Variants in RANBP2 observed in about 807,000 individuals in gnomAD.
RANBP2 encodes the protein E3 SUMO-protein ligase RanBP2.
RANBP2 carries 57 observed loss-of-function variants against 303.6 expected under a neutral mutation model. That is an observed-to-expected ratio of 0.19 (90% CI 0.15 to 0.23). The LOEUF (loss-of-function observed/expected upper bound fraction) is 0.23, where lower values mean the gene tolerates loss of function less well. RANBP2 is among the 10% of genes least tolerant of loss of function. The pLI is 1.00. For synonymous variants in RANBP2, 1,167 were observed against 1,301.5 expected (o/e 0.90, Z 2.23); for missense variants, 3,138 against 3,780.8 (o/e 0.83, Z 4.46).
chr2:109,390,494 A>C, the RANBP2 span, among the ~76,000 whole-genome samples: 1 of 151,384 alleles, frequency 6.6e-6, no homozygotes, highest in Non-Finnish European at 1.5e-5. Flanking sequence ...CTGAAATGAC[A>C]ATGTAGATTG....
the RANBP2 span, among the ~76,000 whole-genome samples, chr2:109,456,812 T>C: frequency 6.6e-6 from 1 of 152,204 alleles, no homozygotes; most frequent in Non-Finnish European, 1.5e-5. Flanking sequence ...GGCTCCATGG[T>C]ACCCACAAGT....
the RANBP2 span, among the ~76,000 whole-genome samples, chr2:109,172,808 A>G: frequency 9.9e-5 from 15 of 152,254 alleles, no homozygotes; most frequent in Non-Finnish European, 1.8e-4. Context: ...TAAGTTTCCC[A>G]GTGCCAGCAC....
chr2:109,342,814 A>G, the RANBP2 span, among the ~76,000 whole-genome samples: 1 of 152,254 alleles, frequency 6.6e-6, no homozygotes. Context: ...GTCCAGAGGA[A>G]GATGTGTGTG....
At chr2:109,108,770 C>T in the RANBP2 span, among the ~76,000 whole-genome samples, 5 of 152,214 alleles carry the variant, frequency 3.3e-5, no homozygotes, top group Non-Finnish European at 7.3e-5. Context: ...CCCACCGGTC[C>T]CCCAAAGCCC....
chr2:109,566,817 TC>T, the RANBP2 span, among the ~76,000 whole-genome samples: 1 of 152,166 alleles, frequency 6.6e-6, no homozygotes, highest in Non-Finnish European at 1.5e-5. Flanking sequence ...AGTAGACTGG[TC>T]TGTCTGAAGT....
At chr2:108,903,736 A>G in the RANBP2 span, among the ~76,000 whole-genome samples, 1 of 152,212 alleles carries the variant, frequency 6.6e-6, no homozygotes, top group African/African-American at 2.4e-5. Flanking sequence ...CATATCTTCT[A>G]TAAAAATCAA....
chr2:109,695,172 A>AT, the RANBP2 span, among the ~76,000 whole-genome samples: 9,909 of 151,372 alleles, frequency 0.065, 632 homozygotes, highest in African/African-American at 0.17. Flanking sequence ...TTTGCAAAGA[A>AT]TTTTTTTTTC....
chr2:109,339,434 C>T, the RANBP2 span, among the ~76,000 whole-genome samples: 35 of 152,236 alleles, frequency 2.3e-4, no homozygotes, highest in African/African-American at 6.3e-4. Context: ...TGGTCTTCTG[C>T]GGTGGCTGGA....
chr2:108,951,718 G>C, the RANBP2 span, among the ~76,000 whole-genome samples: 17 of 151,950 alleles, frequency 1.1e-4, no homozygotes, highest in Non-Finnish European at 2.4e-4. Flanking sequence ...TCATTCTAAA[G>C]GTTCTTCCAT....
chr2:108,777,091 C>A, intron 24 of RANBP2, 39 bp from the exon 25 acceptor site: 1 of 1,574,144 alleles, frequency 6.4e-7, no homozygotes, highest in Non-Finnish European at 8.7e-7. Context: ...ATATTCAGCA[C>A]AAATTAAATA....
the RANBP2 span, among the ~76,000 whole-genome samples, chr2:109,240,908 C>T: frequency 1.4e-5 from 2 of 147,896 alleles, no homozygotes; most frequent in Middle Eastern, 3.5e-3. Flanking sequence ...CTGTCTTGCT[C>T]CCCGCTTCTT....
the RANBP2 span, among the ~76,000 whole-genome samples, chr2:109,490,390 G>T: frequency 6.6e-6 from 1 of 152,138 alleles, no homozygotes; most frequent in East Asian, 1.9e-4. Flanking sequence ...GGCCCTCACT[G>T]GTTCACCCGT....
At chr2:109,005,363 A>G in the RANBP2 span, among the ~76,000 whole-genome samples, 1 of 152,220 alleles carries the variant, frequency 6.6e-6, no homozygotes, top group Non-Finnish European at 1.5e-5. Flanking sequence ...CTCCACAAGT[A>G]GACCTTCCAC....
the RANBP2 span, among the ~76,000 whole-genome samples, chr2:109,539,403 A>G: frequency 2.0e-5 from 3 of 152,154 alleles, no homozygotes; most frequent in Non-Finnish European, 4.4e-5. Flanking sequence ...CTACCACCCC[A>G]AAAGGTTTCA....
chr2:109,579,141 T>G, the RANBP2 span, among the ~76,000 whole-genome samples: 1 of 152,162 alleles, frequency 6.6e-6, no homozygotes, highest in Non-Finnish European at 1.5e-5. Flanking sequence ...TAAGAGTACA[T>G]TATCAATATA....
At chr2:109,129,253 CG>C in the RANBP2 span, 1 of 582,758 alleles carries the variant, frequency 1.7e-6, no homozygotes, top group Non-Finnish European at 3.1e-6. Flanking sequence ...GTCCCCCGCG[CG>C]GGGCGGACTT....
chr2:109,659,751 G>T, the RANBP2 span, among the ~76,000 whole-genome samples: 1 of 152,240 alleles, frequency 6.6e-6, no homozygotes, highest in East Asian at 1.9e-4. Flanking sequence ...CGGGAGCCCT[G>T]AATGAGAGTG....
the RANBP2 span, among the ~76,000 whole-genome samples, chr2:109,008,509 AC>A: frequency 2.6e-5 from 4 of 151,892 alleles, no homozygotes; most frequent in Non-Finnish European, 4.4e-5. Flanking sequence ...AGGGACAGAG[AC>A]CTGGGCACTT....
chr2:109,379,681 G>A, the RANBP2 span, among the ~76,000 whole-genome samples: 1 of 152,154 alleles, frequency 6.6e-6, no homozygotes, highest in African/African-American at 2.4e-5. Context: ...CCTGTGGAAG[G>A]GATCCCCCAG....
Sources: gnomAD v4.1 joint callset for allele counts (sites outside exome capture counted in the v4.1 genomes callset) on GRCh38, gnomAD v4.1.1 for gene constraint, MANE v1.5 for transcripts, NCBI Gene and HGNC (gene_info 2026-07-23, HGNC 2026-07-21) for gene names.